Variants in CELF4 observed in about 807,000 individuals in gnomAD.
CELF4 encodes the protein CUGBP Elav-like family member 4, also known as CUG-BP- and ETR-3-like factor 4.
Under a neutral mutation model 59.9 loss-of-function variants are expected in CELF4, and 18 were observed. The observed-to-expected ratio is 0.30, with a 90% CI of 0.21 to 0.45. CELF4 has a LOEUF of 0.45. Ranked by LOEUF, CELF4 falls within the 20% of genes least tolerant of loss-of-function variation. The probability of loss-of-function intolerance (pLI) is 1.00; values close to 1 mark genes in which losing one functional copy is unlikely to be tolerated. For missense variants in CELF4, 456 were observed against 689.0 expected, an observed-to-expected ratio of 0.66 and a Z score of 3.79; for synonymous variants, 261 against 267.1, an observed-to-expected ratio of 0.98 and a Z score of 0.22.
intron 2 of CELF4, among the ~76,000 whole-genome samples, chr18:37,464,111 G>A (rs902472356): frequency 3.9e-5 from 6 of 152,176 alleles, no homozygotes; most frequent in Non-Finnish European, 8.8e-5. Flanking sequence ...TCAAATGAAC[G>A]GTAACGGGAA....
At chr18:37,321,480 G>A (rs1182914716) in intron 3 of CELF4, among the ~76,000 whole-genome samples, 1 of 152,206 alleles carries the variant, frequency 6.6e-6, no homozygotes, top group Non-Finnish European at 1.5e-5. Context: ...ATCACGGTGG[G>A]GTTTTCCTTG....
At chr18:37,258,512 T>C (rs750395357) in intron 11 of CELF4, among the ~76,000 whole-genome samples, 29 of 152,220 alleles carry the variant, frequency 1.9e-4, no homozygotes, top group African/African-American at 7.0e-4. Flanking sequence ...GCGCTTAGGC[T>C]TCCTGAGGGC....
intron 1 of CELF4, among the ~76,000 whole-genome samples, chr18:37,523,793 ACT>A (rs1352135466): frequency 6.6e-6 from 1 of 152,160 alleles, no homozygotes. Flanking sequence ...GAGTCTCTAC[ACT>A]GTCTTTAATA....
intron 2 of CELF4, among the ~76,000 whole-genome samples, chr18:37,404,341 G>A (rs1461298248): frequency 1.3e-5 from 2 of 152,368 alleles, no homozygotes; most frequent in East Asian, 3.9e-4. Flanking sequence ...CCCCACAGAA[G>A]AGGAGGCCCC....
intron 1 of CELF4, among the ~76,000 whole-genome samples, chr18:37,535,368 C>T (rs906511663): frequency 2.0e-5 from 3 of 152,144 alleles, no homozygotes; most frequent in African/African-American, 4.8e-5. Context: ...ATTCATTGTA[C>T]GGAACAAATT....
intron 2 of CELF4, among the ~76,000 whole-genome samples, chr18:37,337,530 G>A (rs1041025092): frequency 1.3e-5 from 2 of 152,140 alleles, no homozygotes; most frequent in African/African-American, 2.4e-5. Context: ...TCCCTCATTT[G>A]TTCACCCACC....
intron 2 of CELF4, among the ~76,000 whole-genome samples, chr18:37,389,769 C>T (rs1024520470): frequency 6.6e-6 from 1 of 152,194 alleles, no homozygotes; most frequent in Admixed American, 6.5e-5. Context: ...TTTATAGACA[C>T]AGCCTCCAGT....
chr18:37,553,478 A>G (rs1337212112), intron 1 of CELF4, among the ~76,000 whole-genome samples: 1 of 152,238 alleles, frequency 6.6e-6, no homozygotes, highest in East Asian at 1.9e-4. Context: ...GACCCATGTC[A>G]GGCCCTAAGT....
chr18:37,287,280 C>T (rs775860557), intron 3 of CELF4, among the ~76,000 whole-genome samples: 10 of 152,252 alleles, frequency 6.6e-5, no homozygotes, highest in Non-Finnish European at 1.0e-4. Flanking sequence ...CGTCTCTCCT[C>T]AGGCACTGCG....
chr18:37,326,301 C>T lies in CELF4; in HGVS notation c.370-4420G>A, dbSNP rs79820234. Among the ~76,000 whole-genome samples the T allele has an allele frequency of 2.1e-3, 323 of 152,278 alleles. 1 individual carries two copies. Among genetic ancestry groups the T allele is most frequent in the Admixed American group, 4.6e-3 (70 of 15,302 alleles). On this transcript the variant is annotated intron_variant, in intron 2 of 12. Transcript: ENST00000420428. ...GGAAGACCAGAAGGCCAGTTGCCAT[C>T]TCCTTGCCCTTCTTGTAACTTTGCC...
intron 2 of CELF4, among the ~76,000 whole-genome samples, chr18:37,466,810 A>G (rs563961441): frequency 1.3e-5 from 2 of 152,282 alleles, no homozygotes; most frequent in African/African-American, 4.8e-5. Context: ...CAGATTGGGG[A>G]AGGCTCCCTG....
intron 3 of CELF4, among the ~76,000 whole-genome samples, chr18:37,292,692 A>G (rs1178308675): frequency 1.3e-5 from 2 of 152,206 alleles, no homozygotes; most frequent in Non-Finnish European, 2.9e-5. Flanking sequence ...TAATGAAGAA[A>G]TCCATTACAA....
chr18:37,246,732 A>G lies in CELF4; in HGVS notation c.*45-1535T>C, dbSNP rs2062317716. ...AATATTTTCAAGTGCAAGTAAATCA[A>G]CCACGCATAGATATTTTTAAGATGT... On this transcript the variant is annotated intron_variant, in intron 12 of 12. Transcript: ENST00000420428. This position sits in a 1 kb window ranked among gnomAD's most constrained non-coding sequence, Gnocchi z 5.3. Among the ~76,000 whole-genome samples, 1 of 152,192 alleles carries G rather than the reference A, an allele frequency of 6.6e-6. No individual in the cohort carries two copies. Among genetic ancestry groups the G allele is most frequent in the Non-Finnish European group, 1.5e-5 (1 of 68,038 alleles).
At chr18:37,290,562 C>T (rs1384816368) in intron 3 of CELF4, among the ~76,000 whole-genome samples, 3 of 152,120 alleles carry the variant, frequency 2.0e-5, no homozygotes, top group Admixed American at 6.6e-5. Flanking sequence ...GAGAAAGTGC[C>T]GCAGCTGAAT....
chr18:37,314,707 C>T (rs2096800169), intron 3 of CELF4, among the ~76,000 whole-genome samples: 1 of 152,180 alleles, frequency 6.6e-6, no homozygotes, highest in Non-Finnish European at 1.5e-5. Flanking sequence ...CCTTTCCGTC[C>T]TCCAGCCTCC....
chr18:37,423,101 GAGAC>G lies in CELF4; in HGVS notation c.369+62420_369+62423del, dbSNP rs1474709475. Among the ~76,000 whole-genome samples, 148 of 151,488 alleles carry G rather than the reference GAGAC, an allele frequency of 9.8e-4. No homozygotes were observed. In the Middle Eastern group the frequency reaches 0.017, roughly 17 times the overall value. On this transcript the variant is annotated intron_variant, in intron 2 of 12. Transcript: ENST00000420428. ...ACACACAGAGACAGAGAGAGAGAGAGAGACAGACAGACAGACAGACAGAGAGAGT... is the reference window on the plus strand; with the variant it reads ...ACACACAGAGACAGAGAGAGAGAGAGAGACAGACAGACAGACAGAGAGAGT...
intron 3 of CELF4, among the ~76,000 whole-genome samples, chr18:37,309,449 T>C (rs2096565701): frequency 6.6e-6 from 1 of 152,180 alleles, no homozygotes; most frequent in Non-Finnish European, 1.5e-5. Flanking sequence ...CCACTGGCTC[T>C]ATTTACCTTC....
chr18:37,349,427 G>A (rs1002731119), intron 2 of CELF4, among the ~76,000 whole-genome samples: 2 of 152,230 alleles, frequency 1.3e-5, no homozygotes, highest in Admixed American at 6.5e-5. Flanking sequence ...TTTCTGTAGC[G>A]GGTTTAGGGA....
intron 3 of CELF4, among the ~76,000 whole-genome samples, chr18:37,296,295 T>C (rs2095635654): frequency 6.6e-6 from 1 of 152,188 alleles, no homozygotes; most frequent in Non-Finnish European, 1.5e-5. Flanking sequence ...CTACAGGTGT[T>C]ACAGAAAGAC....
Sources: gnomAD v4.1 joint callset for allele counts (sites outside exome capture counted in the v4.1 genomes callset) on GRCh38, gnomAD v4.1.1 for gene constraint, Gnocchi (gnomAD v3.1) non-coding constraint, MANE v1.5 for transcripts, NCBI Gene and HGNC (gene_info 2026-07-23, HGNC 2026-07-21) for gene names.